GALNTL6: variants seen among roughly 807,000 people sequenced by gnomAD.
GALNTL6 encodes polypeptide N-acetylgalactosaminyltransferase-like 6.
GALNTL6 carries 46 observed loss-of-function variants against 73.7 expected under a neutral mutation model. The ratio of observed to expected loss-of-function variants is 0.62; its 90% CI spans 0.49 to 0.80. GALNTL6 has a LOEUF of 0.80. GALNTL6 is among the 30% of genes least tolerant of loss of function. The pLI is 0.00. For missense variants in GALNTL6, 604 were observed against 755.0 expected (o/e 0.80, Z 2.34); for synonymous variants, 259 against 263.7 (o/e 0.98, Z 0.17).
chr4:172,273,867 C>T (rs1312019230), intron 3 of GALNTL6, among the ~76,000 whole-genome samples: 1 of 152,152 alleles, frequency 6.6e-6, no homozygotes. Context: ...GACCTTTCAG[C>T]TGATGGCACC....
intron 5 of GALNTL6, among the ~76,000 whole-genome samples, chr4:172,748,976 C>G: frequency 6.6e-6 from 1 of 151,928 alleles, no homozygotes; most frequent in Non-Finnish European, 1.5e-5. Context: ...GTGGCATGAT[C>G]TTGGCTCACT....
chr4:172,320,532 T>C (rs1408916255), intron 4 of GALNTL6, among the ~76,000 whole-genome samples: 2 of 152,190 alleles, frequency 1.3e-5, no homozygotes, highest in African/African-American at 4.8e-5. Flanking sequence ...TGGTGGTTTG[T>C]ATATTTAGGA....
chr4:172,002,516 T>C (rs1347519305), intron 2 of GALNTL6, among the ~76,000 whole-genome samples: 1 of 152,196 alleles, frequency 6.6e-6, no homozygotes, highest in East Asian at 1.9e-4. Flanking sequence ...TATTTTGTTA[T>C]AGCAGTCCAG....
chr4:172,686,089 A>G (rs1732901641), intron 5 of GALNTL6, among the ~76,000 whole-genome samples: 1 of 152,150 alleles, frequency 6.6e-6, no homozygotes, highest in African/African-American at 2.4e-5. Flanking sequence ...GCCCTTGGAG[A>G]GTAAGTTTGG....
intron 5 of GALNTL6, among the ~76,000 whole-genome samples, chr4:172,467,128 T>C (rs1440353300): frequency 6.6e-6 from 1 of 152,152 alleles, no homozygotes; most frequent in Non-Finnish European, 1.5e-5. Flanking sequence ...AGATTATTTG[T>C]AAGCTAACTA....
intron 5 of GALNTL6, among the ~76,000 whole-genome samples, chr4:172,401,593 A>C (rs947288809): frequency 6.6e-6 from 1 of 152,108 alleles, no homozygotes; most frequent in Admixed American, 6.6e-5. Context: ...CTTTTTAAAA[A>C]ATAACTTTGA....
chr4:173,017,355 C>G (rs375290233), intron 11 of GALNTL6, among the ~76,000 whole-genome samples: 16 of 152,224 alleles, frequency 1.1e-4, no homozygotes, highest in African/African-American at 3.6e-4. Context: ...ATTCTTCTGT[C>G]AATAAGAGCA....
chr4:172,770,635 C>A (rs948877832), intron 5 of GALNTL6, among the ~76,000 whole-genome samples: 13 of 152,048 alleles, frequency 8.5e-5, no homozygotes, highest in African/African-American at 3.1e-4. Flanking sequence ...AATTTTAATT[C>A]TTTTTTAATT....
intron 3 of GALNTL6, among the ~76,000 whole-genome samples, chr4:172,258,498 A>G (rs1738157094): frequency 6.6e-6 from 1 of 151,294 alleles, no homozygotes; most frequent in Non-Finnish European, 1.5e-5. Context: ...TCATCACTTC[A>G]ATTACTATTG....
intron 2 of GALNTL6, among the ~76,000 whole-genome samples, chr4:171,989,366 G>T (rs187078498): frequency 5.9e-4 from 90 of 152,268 alleles, no homozygotes; most frequent in Non-Finnish European, 8.5e-4. Flanking sequence ...AGGGGCTCTG[G>T]GAGTGGCTGC....
chr4:172,589,315 T>C (rs1430360764), intron 5 of GALNTL6, among the ~76,000 whole-genome samples: 1 of 152,228 alleles, frequency 6.6e-6, no homozygotes, highest in Non-Finnish European at 1.5e-5. Flanking sequence ...TACATGTATA[T>C]ATGAATTTTA....
intron 8 of GALNTL6, among the ~76,000 whole-genome samples, chr4:172,889,472 T>C (rs1745905496): frequency 6.6e-6 from 1 of 152,196 alleles, no homozygotes; most frequent in Non-Finnish European, 1.5e-5. Context: ...GAAAGGATAA[T>C]GGGATTTATC....
intron 2 of GALNTL6, among the ~76,000 whole-genome samples, chr4:171,957,610 C>T (rs968052131): frequency 1.3e-5 from 2 of 152,166 alleles, no homozygotes; most frequent in African/African-American, 4.8e-5. Flanking sequence ...TAGTTATCAA[C>T]GCATTGCGGC....
At chr4:172,167,824 T>C (rs1734677358) in intron 2 of GALNTL6, among the ~76,000 whole-genome samples, 1 of 147,120 alleles carries the variant, frequency 6.8e-6, no homozygotes, top group South Asian at 2.1e-4. Flanking sequence ...CCGGGCGCGG[T>C]GGCGGGCGCC....
chr4:171,948,777 T>G (rs1738778346), intron 2 of GALNTL6, among the ~76,000 whole-genome samples: 1 of 152,160 alleles, frequency 6.6e-6, no homozygotes, highest in African/African-American at 2.4e-5. Flanking sequence ...TGGTTGTTTT[T>G]GCAATGATGA....
intron 5 of GALNTL6, among the ~76,000 whole-genome samples, chr4:172,797,402 G>A (rs1430616437): frequency 6.6e-6 from 1 of 151,690 alleles, no homozygotes; most frequent in Non-Finnish European, 1.5e-5. Flanking sequence ...ACGCCGCTAC[G>A]CCCGGCTAAT....
intron 5 of GALNTL6, among the ~76,000 whole-genome samples, chr4:172,361,972 A>C (rs2111241031): frequency 6.6e-6 from 1 of 152,204 alleles, no homozygotes; most frequent in East Asian, 1.9e-4. Flanking sequence ...CACTCAATAA[A>C]TTTTGACCAT....
intron 2 of GALNTL6, among the ~76,000 whole-genome samples, chr4:172,200,166 G>A (rs947228257): frequency 2.0e-5 from 3 of 152,062 alleles, no homozygotes; most frequent in African/African-American, 7.2e-5. Context: ...ATGCAGTATA[G>A]GTTTAATGGA....
chr4:172,314,145 G>T (rs68033366), intron 4 of GALNTL6, among the ~76,000 whole-genome samples: 23,959 of 152,150 alleles, frequency 0.16, 2,071 homozygotes, highest in Middle Eastern at 0.19. Flanking sequence ...ACATATTTCA[G>T]TATTATCTAT....
Sources: allele counts gnomAD v4.1 joint callset (sites outside exome capture counted in the v4.1 genomes callset), GRCh38; gene constraint gnomAD v4.1.1; transcripts MANE v1.5; gene names NCBI Gene and HGNC (gene_info 2026-07-23, HGNC 2026-07-21).